Variants in ERC2 observed in about 807,000 individuals in gnomAD.
ERC2 encodes ELKS/RAB6-interacting/CAST family member 2, also known as ERC protein 2.
Under a neutral mutation model 114.8 loss-of-function variants are expected in ERC2, and 42 were observed. That is an observed-to-expected ratio of 0.37 (90% CI 0.29 to 0.47). The LOEUF (loss-of-function observed/expected upper bound fraction) is 0.47, where lower values mean the gene tolerates loss of function less well. Among genes scored for constraint, ERC2 ranks in the 20% least tolerant of loss-of-function variants. The pLI, the probability that ERC2 is intolerant of heterozygous loss-of-function variation, is 0.99. For synonymous variants in ERC2, 454 were observed against 425.5 expected (o/e 1.07, Z -0.82); for missense variants, 939 against 1,150.7 (o/e 0.82, Z 2.66).
intron 13 of ERC2, among the ~76,000 whole-genome samples, chr3:55,931,248 C>T (rs961735750): frequency 2.0e-5 from 3 of 152,226 alleles, no homozygotes; most frequent in Non-Finnish European, 2.9e-5. Flanking sequence ...AATCCCATTA[C>T]TGGGTGTATA....
At chr3:56,232,104 G>A (rs1387331536) in intron 3 of ERC2, among the ~76,000 whole-genome samples, 1 of 150,466 alleles carries the variant, frequency 6.6e-6, no homozygotes, top group Admixed American at 6.6e-5. Context: ...CCAAGCAGCT[G>A]GGACTACAGG....
At chr3:56,232,325 T>A (rs1277718300) in intron 3 of ERC2, among the ~76,000 whole-genome samples, 1 of 151,916 alleles carries the variant, frequency 6.6e-6, no homozygotes, top group Non-Finnish European at 1.5e-5. Flanking sequence ...AAATCCACTC[T>A]AAAATAAAAA....
At chr3:55,660,870 C>T (rs1395468876) in intron 17 of ERC2, among the ~76,000 whole-genome samples, 2 of 152,136 alleles carry the variant, frequency 1.3e-5, no homozygotes, top group Non-Finnish European at 2.9e-5. Context: ...ACAATAAAAG[C>T]ATAAATCCTT....
chr3:56,365,535 C>CT (rs2059117848), intron 2 of ERC2, among the ~76,000 whole-genome samples: 1 of 152,262 alleles, frequency 6.6e-6, no homozygotes, highest in South Asian at 2.1e-4. Context: ...TATCTATCCT[C>CT]TACCAGAGCA....
intron 2 of ERC2, among the ~76,000 whole-genome samples, chr3:56,308,155 C>T (rs984402464): frequency 1.1e-4 from 16 of 152,310 alleles, no homozygotes; most frequent in African/African-American, 3.8e-4. Flanking sequence ...ACTATGTCCA[C>T]TTCACAAGAG....
At chr3:56,463,435 C>A (rs938356011) in intron 1 of ERC2, among the ~76,000 whole-genome samples, 2 of 152,150 alleles carry the variant, frequency 1.3e-5, no homozygotes, top group Non-Finnish European at 2.9e-5. Context: ...CATTATCAGA[C>A]CCAACTCTCA....
At chr3:55,733,638 C>A (rs772374275) in intron 15 of ERC2, among the ~76,000 whole-genome samples, 1 of 152,022 alleles carries the variant, frequency 6.6e-6, no homozygotes, top group Non-Finnish European at 1.5e-5. Flanking sequence ...GAGAAATGAA[C>A]TCTGGTGCAG....
At chr3:55,733,249 C>T (rs896325405) in intron 15 of ERC2, among the ~76,000 whole-genome samples, 2 of 152,098 alleles carry the variant, frequency 1.3e-5, no homozygotes, top group Non-Finnish European at 2.9e-5. Flanking sequence ...AAAAGATGCA[C>T]AGCTCCAAAC....
chr3:55,648,442 C>T (rs1309134635), intron 17 of ERC2, among the ~76,000 whole-genome samples: 1 of 152,168 alleles, frequency 6.6e-6, no homozygotes, highest in Non-Finnish European at 1.5e-5. Flanking sequence ...AAGGACTTTA[C>T]GTGCTGCCTG....
chr3:55,513,013 G>T (rs1377165791), intron 17 of ERC2, among the ~76,000 whole-genome samples: 5 of 152,218 alleles, frequency 3.3e-5, no homozygotes, highest in Non-Finnish European at 5.9e-5. Context: ...TTCCAGCAAT[G>T]AGCCAATCTG....
chr3:55,999,930 A>C (rs772006888), intron 10 of ERC2, among the ~76,000 whole-genome samples: 16 of 151,784 alleles, frequency 1.1e-4, no homozygotes, highest in Non-Finnish European at 2.2e-4. Context: ...ACAAAATGAA[A>C]AGCAGAAATA....
intron 15 of ERC2, among the ~76,000 whole-genome samples, chr3:55,707,909 G>A (rs1010418287): frequency 6.6e-6 from 1 of 152,132 alleles, no homozygotes; most frequent in Non-Finnish European, 1.5e-5. Flanking sequence ...AGAAGATGAG[G>A]CTTAGGGATT....
intron 3 of ERC2, among the ~76,000 whole-genome samples, chr3:56,180,674 A>G (rs894441393): frequency 2.0e-5 from 3 of 152,178 alleles, no homozygotes; most frequent in Admixed American, 6.5e-5. Flanking sequence ...GAGGAGTTGT[A>G]TAATGGGTAC....
rs181595254 is a variant in ERC2, at chr3:55,528,472, C to T, written c.*40-17196G>A. Among the ~76,000 whole-genome samples, 877 of 152,182 alleles carry T rather than the reference C, an allele frequency of 5.8e-3. 3 individuals carry two copies. Among genetic ancestry groups the T allele is most frequent in the Admixed American group, 9.0e-3 (137 of 15,288 alleles). On this transcript the variant is annotated intron_variant, in intron 17 of 17. Coordinates refer to ENST00000288221, the MANE Select transcript of ERC2 (RefSeq NM_015576.3). The stretch of plus-strand genomic sequence containing the variant: ...ATCGGCATCATCATGAGCTGCCATT[C>T]GCTGAATACCTACTATGTGCTGGGC...
At chr3:55,730,791 A>T (rs2065208479) in intron 15 of ERC2, among the ~76,000 whole-genome samples, 1 of 152,164 alleles carries the variant, frequency 6.6e-6, no homozygotes, top group South Asian at 2.1e-4. Flanking sequence ...GTAGTGGCCG[A>T]AGTGAGCTGT....
chr3:55,762,776 G>A (rs977638787), intron 14 of ERC2, among the ~76,000 whole-genome samples: 1 of 152,190 alleles, frequency 6.6e-6, no homozygotes, highest in African/African-American at 2.4e-5. Context: ...AGGAAGAAAA[G>A]CCTACAAAAG....
At chr3:55,800,979 C>G (rs2071002973) in intron 14 of ERC2, among the ~76,000 whole-genome samples, 1 of 152,198 alleles carries the variant, frequency 6.6e-6, no homozygotes, top group East Asian at 1.9e-4. Flanking sequence ...GAAAACCTCT[C>G]CTTCTTTTGT....
chr3:56,254,334 C>CT (rs2052374806), intron 3 of ERC2, among the ~76,000 whole-genome samples: 1 of 142,202 alleles, frequency 7.0e-6, no homozygotes, highest in Non-Finnish European at 1.6e-5. Flanking sequence ...CCCTTAAACC[C>CT]CTTTTTTTTT....
At chr3:56,070,471 A>G (rs929453204) in intron 7 of ERC2, among the ~76,000 whole-genome samples, 1 of 147,852 alleles carries the variant, frequency 6.8e-6, no homozygotes, top group Non-Finnish European at 1.5e-5. Context: ...CCTTTTTTAA[A>G]AAAAAAAAAA....
Sources: gnomAD v4.1 joint callset for allele counts (sites outside exome capture counted in the v4.1 genomes callset) on GRCh38, gnomAD v4.1.1 for gene constraint, MANE v1.5 for transcripts, NCBI Gene and HGNC (gene_info 2026-07-23, HGNC 2026-07-21) for gene names.